AGMO: variants seen among roughly 807,000 people sequenced by gnomAD.
AGMO encodes the protein alkylglycerol monooxygenase, also known as glyceryl-ether monooxygenase.
AGMO carries 75 observed loss-of-function variants against 60.2 expected under a neutral mutation model. That is an observed-to-expected ratio of 1.25 (90% CI 1.03 to 1.51). The LOEUF (loss-of-function observed/expected upper bound fraction) is 1.51, where lower values mean the gene tolerates loss of function less well. Among genes scored for constraint, AGMO ranks in the 40% most tolerant of loss-of-function variants. The probability of loss-of-function intolerance (pLI) is 0.00; values close to 1 mark genes in which losing one functional copy is unlikely to be tolerated. For synonymous variants in AGMO, 261 were observed against 177.1 expected (o/e 1.47, Z -3.76); for missense variants, 763 against 525.5 (o/e 1.45, Z -4.42).
At chr7:15,145,080 G>A in the AGMO span, among the ~76,000 whole-genome samples, 2 of 152,118 alleles carry the variant, frequency 1.3e-5, no homozygotes, top group Admixed American at 1.3e-4. Context: ...CGCCCGCCTC[G>A]GCCCCGCAAA....
chr7:15,137,328 T>G, the AGMO span, among the ~76,000 whole-genome samples: 4 of 152,244 alleles, frequency 2.6e-5, no homozygotes, highest in Non-Finnish European at 5.9e-5. Flanking sequence ...GGATACTTTT[T>G]ATCTGATAAT....
chr7:15,323,136 G>A (rs1781233412), intron 12 of AGMO, among the ~76,000 whole-genome samples: 1 of 151,838 alleles, frequency 6.6e-6, no homozygotes, highest in East Asian at 1.9e-4. Flanking sequence ...GGAGTAATAA[G>A]ACTTCTTTAT....
At position 15,493,436 on chromosome 7, in the gene AGMO, C is replaced by T. The variant is rs1000867618; in HGVS notation, c.409+51336G>A. Among the ~76,000 whole-genome samples the T allele has an allele frequency of 8.9e-4, 123 of 137,948 alleles. 1 individual carries two copies. Among genetic ancestry groups the T allele is most frequent in the African/African-American group, 3.1e-3 (114 of 36,194 alleles). The allele number at this position is 137,948 out of a possible 152,430, so 90.5% of individuals were successfully genotyped here. A position where few individuals can be genotyped will look rare whatever the true frequency, so the allele number is the denominator to read the frequency against. ...TCGCCCAGGCTGGAGTGCAGTGGCGCGATCTCGGCTCACTGCAAGCTCCGC... is the reference window on the plus strand; with the variant it reads ...TCGCCCAGGCTGGAGTGCAGTGGCGTGATCTCGGCTCACTGCAAGCTCCGC... On this transcript the variant is annotated intron_variant, in intron 3 of 12. Coordinates refer to ENST00000342526, the MANE Select transcript of AGMO (RefSeq NM_001004320.2).
At chr7:15,527,803 A>G (rs1450006857) in intron 3 of AGMO, among the ~76,000 whole-genome samples, 2 of 152,144 alleles carry the variant, frequency 1.3e-5, no homozygotes, top group Non-Finnish European at 2.9e-5. Context: ...CAGGGCTCTT[A>G]AGAATTATGC....
chr7:15,192,347 GAGA>G, the AGMO span, among the ~76,000 whole-genome samples: 1 of 152,122 alleles, frequency 6.6e-6, no homozygotes, highest in Admixed American at 6.5e-5. Flanking sequence ...CAGCATGGCA[GAGA>G]AGGAGAGAAG....
At chr7:15,541,492 C>T (rs1784630546) in intron 3 of AGMO, among the ~76,000 whole-genome samples, 1 of 152,086 alleles carries the variant, frequency 6.6e-6, no homozygotes, top group Non-Finnish European at 1.5e-5. Context: ...ATTTATCCTT[C>T]TATATATTTT....
At chr7:15,265,512 T>C (rs1783406520) in intron 12 of AGMO, among the ~76,000 whole-genome samples, 1 of 151,788 alleles carries the variant, frequency 6.6e-6, no homozygotes, top group Non-Finnish European at 1.5e-5. Context: ...AAAAGCAAAA[T>C]TTATAAGCAG....
intron 12 of AGMO, among the ~76,000 whole-genome samples, chr7:15,242,024 T>C (rs1187512504): frequency 6.6e-6 from 1 of 152,136 alleles, no homozygotes; most frequent in African/African-American, 2.4e-5. Context: ...CTTCTTAAGC[T>C]TGGAATCTCT....
At chr7:15,489,866 AAAGGTAAC>A (rs1783024853) in intron 3 of AGMO, among the ~76,000 whole-genome samples, 3 of 152,236 alleles carry the variant, frequency 2.0e-5, no homozygotes, top group African/African-American at 7.2e-5. Context: ...TTATAATAAC[AAAGGTAAC>A]AATATTTCAA....
intron 3 of AGMO, among the ~76,000 whole-genome samples, chr7:15,460,473 T>A (rs1391011529): frequency 6.6e-6 from 1 of 152,158 alleles, no homozygotes; most frequent in African/African-American, 2.4e-5. Flanking sequence ...GCCTCAGAAA[T>A]GAACAGAATA....
chr7:15,414,878 G>A (rs903563379), intron 5 of AGMO, among the ~76,000 whole-genome samples: 5 of 151,940 alleles, frequency 3.3e-5, no homozygotes, highest in South Asian at 2.1e-4. Context: ...AAGTCATCAC[G>A]GACATCTAAT....
At chr7:15,495,858 C>G (rs1257752761) in intron 3 of AGMO, among the ~76,000 whole-genome samples, 2 of 97,822 alleles carry the variant, frequency 2.0e-5, no homozygotes, top group Non-Finnish European at 4.9e-5. Flanking sequence ...TCTCTCCTCT[C>G]TCTCTCTCCT....
chr7:15,346,811 CTTAT>C (rs747271660), intron 12 of AGMO, among the ~76,000 whole-genome samples: 7 of 151,574 alleles, frequency 4.6e-5, no homozygotes, highest in Non-Finnish European at 1.0e-4. Context: ...TGAACTGTAT[CTTAT>C]TATTATGATT....
chr7:15,356,897 C>T (rs1283543680), intron 12 of AGMO, among the ~76,000 whole-genome samples: 1 of 146,188 alleles, frequency 6.8e-6, no homozygotes, highest in Non-Finnish European at 1.5e-5. Flanking sequence ...CACCTGAAGT[C>T]AGGTGTTCGA....
At chr7:15,462,119 C>T (rs1225653040) in intron 3 of AGMO, among the ~76,000 whole-genome samples, 1 of 151,972 alleles carries the variant, frequency 6.6e-6, no homozygotes, top group Non-Finnish European at 1.5e-5. Context: ...GCTGTAGGTC[C>T]ATTTTATCAC....
intron 12 of AGMO, among the ~76,000 whole-genome samples, chr7:15,337,300 AC>A (rs1432425392): frequency 6.6e-6 from 1 of 152,220 alleles, no homozygotes; most frequent in Middle Eastern, 3.2e-3. Flanking sequence ...GCCAAGAATT[AC>A]TTTTTAATAA....
chr7:15,450,427 A>G (rs1037853078), intron 3 of AGMO, among the ~76,000 whole-genome samples: 1 of 151,992 alleles, frequency 6.6e-6, no homozygotes, highest in African/African-American at 2.4e-5. Flanking sequence ...CTCAAAAAAA[A>G]AAAAAAGAAA....
chr7:15,318,140 G>GA (rs1780997758), intron 12 of AGMO, among the ~76,000 whole-genome samples: 1 of 151,614 alleles, frequency 6.6e-6, no homozygotes, highest in Non-Finnish European at 1.5e-5. Context: ...CAAGTAGCTG[G>GA]AATTACAGGC....
At chr7:15,521,417 T>A (rs1783981900) in intron 3 of AGMO, among the ~76,000 whole-genome samples, 1 of 152,070 alleles carries the variant, frequency 6.6e-6, no homozygotes, top group East Asian at 1.9e-4. Flanking sequence ...CAGGTCAATA[T>A]CCCTGATAAA....
Sources: allele counts gnomAD v4.1 joint callset (sites outside exome capture counted in the v4.1 genomes callset), GRCh38; gene constraint gnomAD v4.1.1; transcripts MANE v1.5; gene names NCBI Gene and HGNC (gene_info 2026-07-23, HGNC 2026-07-21).